The following PIGG variants were observed in gnomAD, a reference collection of about 807,000 sequenced individuals.
PIGG encodes the protein phosphatidylinositol glycan anchor biosynthesis class G (EMM blood group).
A neutral mutation model predicts 83.2 loss-of-function variants in PIGG; 70 were observed. That is an observed-to-expected ratio of 0.84 (90% CI 0.69 to 1.03). PIGG has a LOEUF of 1.03. Among genes scored for constraint, PIGG ranks in the 50% least tolerant of loss-of-function variants. The pLI is 0.00. For synonymous variants in PIGG, 532 were observed against 519.5 expected (o/e 1.02, Z -0.33); for missense variants, 1,257 against 1,233.6 (o/e 1.02, Z -0.28).
intron 9 of PIGG, among the ~76,000 whole-genome samples, chr4:526,077 G>A (rs933305151): frequency 3.3e-5 from 5 of 152,206 alleles, no homozygotes; most frequent in African/African-American, 1.2e-4. Flanking sequence ...TTTTCCTTAC[G>A]CGAGGTCAAC....
chr4:539,868 A>G lies in PIGG; in HGVS notation c.*499A>G, dbSNP rs1282899113. ...TATTGCATATTAATGAAACACTTGA[A>G]GGAAAAGTAACTATATTTTCCAAAA... On this transcript the variant is annotated 3_prime_UTR_variant, in exon 13 of 13. Coordinates refer to ENST00000453061, the MANE Select transcript of PIGG (RefSeq NM_001127178.3). 6.6e-6 allele frequency: 1 copy of G among 152,492 alleles called. No homozygotes were observed. The highest frequency in any genetic ancestry group is 2.4e-5 in the African/African-American group (1 of 41,448). The allele number at this position is 152,492 out of a possible 1,614,324, so 9.4% of individuals were successfully genotyped here. A position where few individuals can be genotyped will look rare whatever the true frequency, so the allele number is the denominator to read the frequency against.
Position 503,137 on chromosome 4 carries a change from C to T in PIGG, c.360+2536C>T, listed in dbSNP as rs992189700. On this transcript the variant is annotated intron_variant, in intron 2 of 12. Transcript: ENST00000453061. ...GATGATCTCTACCCCGCACAAGAAA[C>T]GAGGTGAACAGGTGCTCTTGAAATA... Among the ~76,000 whole-genome samples, 5 of 152,132 alleles carry T rather than the reference C, an allele frequency of 3.3e-5. No homozygotes were observed. The East Asian group carries it at 5.8e-4, about 18-fold the overall frequency.
chr4:528,545 G>A lies in PIGG; in HGVS notation c.2261+1315G>A, dbSNP rs377328683. 3.0e-4 allele frequency: 300 copies of A among 985,358 alleles called. 5 individuals carry two copies. In the South Asian group the frequency reaches 0.011, roughly 37 times the overall value. The allele number at this position is 985,358 out of a possible 1,614,324, so 61.0% of individuals were successfully genotyped here. On this transcript the variant is annotated intron_variant, in intron 10 of 12. Coordinates refer to ENST00000453061, the MANE Select transcript of PIGG (RefSeq NM_001127178.3). This position sits in a 1 kb window ranked among gnomAD's most constrained non-coding sequence, Gnocchi z 4.8. The stretch of plus-strand genomic sequence containing the variant: ...GTGAGAGTGTAGCAGGCCGTCATAC[G>A]GGGCCGGGGCCTGGGGCAGAGAGGA...
chr4:518,985 G>A (rs1724879562), intron 6 of PIGG, among the ~76,000 whole-genome samples: 1 of 152,114 alleles, frequency 6.6e-6, no homozygotes, highest in South Asian at 2.1e-4. Flanking sequence ...TGCACATGCT[G>A]TTCCCATCAG....
intron 1 of PIGG, chr4:500,015 C>G (rs1717018038): frequency 3.9e-6 from 1 of 257,066 alleles, no homozygotes; most frequent in Non-Finnish European, 7.5e-6. Context: ...GGACCACTTG[C>G]ACACATCGCC....
chr4:512,561 A>G (rs13102808), intron 5 of PIGG, among the ~76,000 whole-genome samples: 137,228 of 151,934 alleles, frequency 0.9, 62,585 homozygotes, highest in East Asian at 1. Context: ...GCTCATTTGT[A>G]ATCCCAGCAC....
Position 512,632 on chromosome 4 carries a change from C to T in PIGG, c.902-3341C>T, listed in dbSNP as rs185170230. On this transcript the variant is annotated intron_variant, in intron 5 of 12. Coordinates refer to ENST00000453061, the MANE Select transcript of PIGG (RefSeq NM_001127178.3). ...AAGTTCGAGACCAGCCTGACCAACA[C>T]GGTGAAACCCCGTCTCTACTAAAAG... Among the ~76,000 whole-genome samples the T allele has an allele frequency of 1.1e-3, 172 of 151,870 alleles. 1 individual carries two copies. The East Asian group carries it at 0.023, about 21-fold the overall frequency.
chr4:533,121 G>A (rs539571879), intron 11 of PIGG: 1 of 153,140 alleles, frequency 6.5e-6, no homozygotes, highest in South Asian at 2.0e-4. Flanking sequence ...AGCAGGGTAA[G>A]CTGTGTGGCA....
intron 1 of PIGG, 158 bp downstream of exon 1, chr4:499,647 C>T (rs946018980): frequency 1.4e-6 from 2 of 1,419,426 alleles, no homozygotes; most frequent in East Asian, 2.6e-5. Flanking sequence ...GCTCCAGCGT[C>T]TCTTTTCTGT....
chr4:506,085 A>G (rs2108791005), intron 3 of PIGG, among the ~76,000 whole-genome samples, 158 bp downstream of exon 3: 1 of 152,056 alleles, frequency 6.6e-6, no homozygotes, highest in South Asian at 2.1e-4. Flanking sequence ...CACTCACATA[A>G]TCAGTTAACA....
intron 5 of PIGG, among the ~76,000 whole-genome samples, chr4:509,469 C>T (rs1345273590): frequency 6.6e-6 from 1 of 152,242 alleles, no homozygotes; most frequent in African/African-American, 2.4e-5. Flanking sequence ...CCAGCCTATG[C>T]ACTCTGCCCT....
At position 505,816 on chromosome 4, in the gene PIGG, A is replaced by G. The variant is rs782076230; in HGVS notation, c.459A>G (p.Ala153=). Residue 153 remains alanine, a synonymous_variant, in exon 3 of 13, where the codon GCA becomes GCG. Coordinates refer to ENST00000453061, the MANE Select transcript of PIGG (RefSeq NM_001127178.3). ...ACAGTGTGATAAGACAAGCAAAAGC[A>G]GCTGGAAAAAGAATAGTCTTTTATG... ...LEDSVIRQAK[A]AGKRIVFYGD... is the part of the protein sequence containing the mutation. The G allele has an allele frequency of 6.2e-7, 1 of 1,613,490 alleles. No homozygotes were observed. The highest frequency in any genetic ancestry group is 8.5e-7 in the Non-Finnish European group (1 of 1,179,798).
intron 4 of PIGG, 115 bp downstream of exon 4, chr4:507,708 T>G (rs1461593213): frequency 1.8e-5 from 16 of 911,782 alleles, no homozygotes; most frequent in Admixed American, 5.3e-5. Context: ...ACCATCAGTC[T>G]GCTAGCCAGG....
rs1723617994 is a variant in PIGG at position 515,745 on chromosome 4, G to A, written c.902-228G>A. On this transcript the variant is annotated intron_variant, in intron 5 of 12. Transcript: ENST00000453061. This position sits in a 1 kb window ranked among gnomAD's most constrained non-coding sequence, Gnocchi z 4.2. Reference sequence around the variant, plus strand: ...GGAATTCCTCACATGAGCCTCTCTCGCAGCCTGTTGCAGGCTACTGAAGGA... The same window carrying A: ...GGAATTCCTCACATGAGCCTCTCTCACAGCCTGTTGCAGGCTACTGAAGGA... Among the ~76,000 whole-genome samples the A allele has an allele frequency of 6.6e-6, 1 of 152,150 alleles. No homozygotes were observed. Among genetic ancestry groups the A allele is most frequent in the Admixed American group, 6.5e-5 (1 of 15,274 alleles).
intron 5 of PIGG, among the ~76,000 whole-genome samples, chr4:510,624 G>T (rs1553882894): frequency 6.6e-6 from 1 of 152,226 alleles, no homozygotes; most frequent in East Asian, 1.9e-4. Context: ...CGTGCAGGCT[G>T]CCTGCAAGTG....
In PIGG at chr4:499,296, C is replaced by T. The variant is rs782814331; in HGVS notation, c.-40C>T. The T allele has an allele frequency of 1.5e-5, 24 of 1,594,546 alleles. No homozygotes were observed. Among genetic ancestry groups the T allele is most frequent in the Non-Finnish European group, 2.0e-5 (24 of 1,176,098 alleles). On this transcript the variant is annotated 5_prime_UTR_variant, in exon 1 of 13. Transcript: ENST00000453061. ...GCGCGGCTGCAGCAGGGCGAGGCTCCAGGTGGGGTCGGTTCCGCATCCAGC... is the reference window on the plus strand; with the variant it reads ...GCGCGGCTGCAGCAGGGCGAGGCTCTAGGTGGGGTCGGTTCCGCATCCAGC...
intron 5 of PIGG, among the ~76,000 whole-genome samples, chr4:513,046 G>A (rs1038516947): frequency 2.6e-5 from 4 of 152,192 alleles, no homozygotes; most frequent in East Asian, 1.9e-4. Flanking sequence ...TGGGCTAGGA[G>A]GGGGAGGGAG....
Position 521,770 on chromosome 4 carries a change from G to T in PIGG, c.1443G>T (p.Leu481=). The T allele has an allele frequency of 1.9e-6, 3 of 1,614,182 alleles. No individual in the cohort carries two copies. The highest frequency in any genetic ancestry group is 1.1e-5 in the South Asian group (1 of 91,086). The change falls in exon 8 of 13, where the codon CTG becomes CTT. Residue 481 remains leucine (L), a synonymous_variant. Transcript: ENST00000453061. ...GFSLLFYLVI[L]VLSAVHVIVC... ...CTCTGCTCTTTTATTTGGTGATCCT[G>T]GTTCTTTCGGCCGTTCACGTCATTG... is the stretch of plus-strand genomic sequence containing the variant.
chr4:516,269 G>C, intron 6 of PIGG, 84 bp downstream of exon 6: 1 of 875,978 alleles, frequency 1.1e-6, no homozygotes, highest in East Asian at 2.4e-5. Context: ...TCTGTGGTAT[G>C]CAGTTTGTCA....
Sources: gnomAD v4.1 joint callset for allele counts (sites outside exome capture counted in the v4.1 genomes callset) on GRCh38, gnomAD v4.1.1 for gene constraint, Gnocchi (gnomAD v3.1) non-coding constraint, MANE v1.5 for transcripts, NCBI Gene and HGNC (gene_info 2026-07-23, HGNC 2026-07-21) for gene names.